MAML3: variants seen among roughly 807,000 people sequenced by gnomAD.
MAML3 encodes mastermind like transcriptional coactivator 3, also known as mastermind-like protein 3.
A neutral mutation model predicts 101.9 loss-of-function variants in MAML3; 27 were observed. The observed-to-expected ratio is 0.27, with a 90% CI of 0.20 to 0.37. MAML3 has a LOEUF of 0.37. MAML3 is among the 10% of genes least tolerant of loss of function. The pLI is 1.00. For missense variants in MAML3, 1,316 were observed against 1,444.9 expected (o/e 0.91, Z 1.45); for synonymous variants, 501 against 555.9 (o/e 0.90, Z 1.39).
intron 1 of MAML3, among the ~76,000 whole-genome samples, chr4:140,120,501 T>C (rs1198374084): frequency 2.6e-5 from 4 of 152,240 alleles, no homozygotes; most frequent in African/African-American, 9.6e-5. Context: ...CAAATGTGCC[T>C]GATGTAGATT....
chr4:139,729,445 C>T (rs1728613891), intron 3 of MAML3, among the ~76,000 whole-genome samples: 1 of 152,130 alleles, frequency 6.6e-6, no homozygotes, highest in African/African-American at 2.4e-5. Flanking sequence ...CATAGTGCGA[C>T]CCCGTCTCTA....
At chr4:140,074,893 T>C (rs1054771439) in intron 1 of MAML3, among the ~76,000 whole-genome samples, 3 of 152,208 alleles carry the variant, frequency 2.0e-5, no homozygotes, top group South Asian at 2.1e-4. Context: ...TACCAGGCTA[T>C]GTGTACAAGG....
At position 139,997,147 on chromosome 4, in the gene MAML3, T is replaced by TAC. The variant is rs568159629; in HGVS notation, c.469-106182_469-106181dup. Among the ~76,000 whole-genome samples the TAC allele has an allele frequency of 1.1e-4, 16 of 150,340 alleles. No individual in the cohort carries two copies. The South Asian group carries it at 1.7e-3, about 16-fold the overall frequency. On this transcript the variant is annotated intron_variant, in intron 1 of 4. Transcript: ENST00000509479. ...TTATATATATATGTGTATATATATA[T>TAC]ACACACACATTATATATATACATAA...
At chr4:139,760,605 G>A (rs770039284) in intron 2 of MAML3, among the ~76,000 whole-genome samples, 37 of 152,182 alleles carry the variant, frequency 2.4e-4, no homozygotes, top group Non-Finnish European at 5.1e-4. Context: ...GCGCTTCATT[G>A]CCCAAAGGAA....
At chr4:140,103,161 A>G (rs1728280743) in intron 1 of MAML3, among the ~76,000 whole-genome samples, 2 of 152,208 alleles carry the variant, frequency 1.3e-5, no homozygotes, top group Admixed American at 6.5e-5. Flanking sequence ...CAAAATTACA[A>G]GATAATATAC....
chr4:140,073,141 CTTT>C (rs565407589), intron 1 of MAML3, among the ~76,000 whole-genome samples: 1 of 141,724 alleles, frequency 7.1e-6, no homozygotes. Flanking sequence ...TCCATGTTTT[CTTT>C]TTTTTTTTTT....
At chr4:139,764,211 C>T (rs1729809714) in intron 2 of MAML3, among the ~76,000 whole-genome samples, 1 of 152,218 alleles carries the variant, frequency 6.6e-6, no homozygotes, top group Non-Finnish European at 1.5e-5. Context: ...GACAAGCAAT[C>T]CTGCTGACGA....
intron 1 of MAML3, among the ~76,000 whole-genome samples, chr4:140,043,133 T>G (rs1465645775): frequency 6.6e-6 from 1 of 152,094 alleles, no homozygotes; most frequent in African/African-American, 2.4e-5. Flanking sequence ...ACATGACAAA[T>G]TGAACATGAC....
At chr4:139,730,919 C>T (rs1034012935) in intron 2 of MAML3, 9 of 556,450 alleles carry the variant, frequency 1.6e-5, no homozygotes, top group South Asian at 2.3e-5. Context: ...CAGTCTGTTT[C>T]GGATGGGACT....
intron 2 of MAML3, among the ~76,000 whole-genome samples, chr4:139,854,555 C>T (rs541549716): frequency 2.1e-4 from 32 of 151,270 alleles, no homozygotes; most frequent in African/African-American, 7.3e-4. Flanking sequence ...ATCCATAAAA[C>T]CATCTTTCAG....
intron 1 of MAML3, among the ~76,000 whole-genome samples, chr4:139,903,025 G>A (rs78756397): frequency 0.011 from 1,714 of 152,268 alleles, 27 homozygotes; most frequent in African/African-American, 0.04. Context: ...AAAACCTTCC[G>A]ATCCAATGTT....
At chr4:139,879,883 C>T (rs1015318908) in intron 2 of MAML3, among the ~76,000 whole-genome samples, 3 of 152,126 alleles carry the variant, frequency 2.0e-5, no homozygotes, top group African/African-American at 7.2e-5. Flanking sequence ...CAATTAAAAC[C>T]TCTTTCGGGC....
At chr4:139,929,241 C>T (rs1348783573) in intron 1 of MAML3, among the ~76,000 whole-genome samples, 1 of 152,152 alleles carries the variant, frequency 6.6e-6, no homozygotes, top group East Asian at 1.9e-4. Flanking sequence ...TACTTTTTAG[C>T]AGCACTGGAA....
At chr4:140,152,798 G>GCCCCCCCCCCCCCCCCCCCCC (rs1302047765) in intron 1 of MAML3, 62 bp downstream of exon 1, 1 of 1,555,808 alleles carries the variant, frequency 6.4e-7, no homozygotes, top group Non-Finnish European at 8.7e-7. Flanking sequence ...AGCTCCACGC[G>GCCCCCCCCCCCCCCCCCCCCC]CCCCCCACCA....
chr4:139,835,748 C>G (rs1731245977), intron 2 of MAML3, among the ~76,000 whole-genome samples: 1 of 152,046 alleles, frequency 6.6e-6, no homozygotes, highest in Non-Finnish European at 1.5e-5. Flanking sequence ...TGCATGTCCC[C>G]CAAAGTTTCA....
intron 1 of MAML3, among the ~76,000 whole-genome samples, chr4:139,944,027 C>T (rs1018180880): frequency 5.3e-5 from 8 of 151,846 alleles, no homozygotes; most frequent in Admixed American, 2.6e-4. Context: ...TGCGCCACCA[C>T]ACCCGACTAA....
At chr4:139,839,942 C>T (rs1578626003) in intron 2 of MAML3, among the ~76,000 whole-genome samples, 1 of 152,160 alleles carries the variant, frequency 6.6e-6, no homozygotes, top group Non-Finnish European at 1.5e-5. Flanking sequence ...GCTTTTCTGA[C>T]CCAGCAGTAA....
intron 1 of MAML3, among the ~76,000 whole-genome samples, chr4:139,967,033 T>G (rs905396113): frequency 2.6e-5 from 4 of 152,234 alleles, no homozygotes; most frequent in African/African-American, 7.2e-5. Flanking sequence ...TTCATGCCAT[T>G]TTTAACAATT....
chr4:139,797,108 A>C lies in MAML3; in HGVS notation c.2080-66441T>G, dbSNP rs1343416840. Among the ~76,000 whole-genome samples the C allele has an allele frequency of 2.0e-5, 3 of 152,208 alleles. No individual in the cohort carries two copies. The South Asian group carries it at 6.2e-4, about 32-fold the overall frequency. ...ATTGCTTACTGAGGCTGCAGCCTTCAATTTGTTCTTACAATTGAACAAAAT... is the reference window on the plus strand; with the variant it reads ...ATTGCTTACTGAGGCTGCAGCCTTCCATTTGTTCTTACAATTGAACAAAAT... On this transcript the variant is annotated intron_variant, in intron 2 of 4. Transcript: ENST00000509479.
Sources: allele counts gnomAD v4.1 joint callset (sites outside exome capture counted in the v4.1 genomes callset), GRCh38; gene constraint gnomAD v4.1.1; transcripts MANE v1.5; gene names NCBI Gene and HGNC (gene_info 2026-07-23, HGNC 2026-07-21).